Variants in UBQLN1 observed in about 807,000 individuals in gnomAD.
The protein encoded by UBQLN1 is ubiquilin 1.
UBQLN1 carries 13 observed loss-of-function variants against 65.4 expected under a neutral mutation model. That is an observed-to-expected ratio of 0.20 (90% CI 0.13 to 0.32). UBQLN1 has a LOEUF of 0.32. UBQLN1 is among the 10% of genes least tolerant of loss of function. The probability of loss-of-function intolerance (pLI) is 1.00; values close to 1 mark genes in which losing one functional copy is unlikely to be tolerated. For synonymous variants in UBQLN1, 267 were observed against 247.8 expected (o/e 1.08, Z -0.73); for missense variants, 561 against 724.0 (o/e 0.77, Z 2.58).
chr9:83,688,125 C>T (rs966516755), intron 1 of UBQLN1, among the ~76,000 whole-genome samples: 1 of 152,166 alleles, frequency 6.6e-6, no homozygotes, highest in African/African-American at 2.4e-5. Context: ...TGGCAGAACA[C>T]ATGGTTTGTA....
intron 7 of UBQLN1, chr9:83,668,663 T>C (rs1831681578): frequency 1.0e-6 from 1 of 981,644 alleles, no homozygotes. Context: ...AGGAATACAT[T>C]AATAAGGGAC....
chr9:83,680,281 A>G (rs1831918971), intron 3 of UBQLN1, among the ~76,000 whole-genome samples: 1 of 152,216 alleles, frequency 6.6e-6, no homozygotes. Flanking sequence ...TATGTAGTAT[A>G]ATAATAAATA....
At chr9:83,692,894 T>C (rs1160418133) in intron 1 of UBQLN1, among the ~76,000 whole-genome samples, 1 of 152,128 alleles carries the variant, frequency 6.6e-6, no homozygotes, top group Admixed American at 6.5e-5. Context: ...TATTTTCATC[T>C]AGGGAATAGC....
chr9:83,663,509 G>A (rs953805313), intron 10 of UBQLN1, among the ~76,000 whole-genome samples: 3 of 152,196 alleles, frequency 2.0e-5, no homozygotes, highest in African/African-American at 7.2e-5. Context: ...TGCCCTGGAG[G>A]TACTTGGGAT....
At chr9:83,671,934 C>T (rs1294830958) in intron 6 of UBQLN1, among the ~76,000 whole-genome samples, 6 of 152,208 alleles carry the variant, frequency 3.9e-5, no homozygotes, top group South Asian at 2.1e-4. Flanking sequence ...CATGTGGCCA[C>T]GTTCCTTGAT....
At chr9:83,667,895 T>C (rs1831667732) in intron 7 of UBQLN1, 9 of 976,728 alleles carry the variant, frequency 9.2e-6, no homozygotes, top group African/African-American at 1.8e-5. Context: ...GACATGCCAA[T>C]CTAGTACTAG....
At chr9:83,669,402 T>C (rs1831695879) in intron 6 of UBQLN1, 75 bp from the exon 7 acceptor site, 2 of 1,339,572 alleles carry the variant, frequency 1.5e-6, no homozygotes, top group Non-Finnish European at 2.0e-6. Context: ...AAATATAATA[T>C]GCACTGTGTT....
At chr9:83,664,890 A>G (rs1831618004) in intron 9 of UBQLN1, 140 bp downstream of exon 9, 3 of 611,886 alleles carry the variant, frequency 4.9e-6, no homozygotes, top group East Asian at 3.1e-5. Context: ...CCACACTCAT[A>G]GCCTAGGCGA....
intron 1 of UBQLN1, among the ~76,000 whole-genome samples, chr9:83,695,198 C>G (rs1035203441): frequency 4.7e-5 from 6 of 127,374 alleles, no homozygotes; most frequent in African/African-American, 1.4e-4. Flanking sequence ...TGGGCCCTCC[C>G]ACCTTTTTTT....
intron 6 of UBQLN1, among the ~76,000 whole-genome samples, chr9:83,673,559 AAAAAAAAAC>A (rs1564162453): frequency 0.033 from 2,937 of 89,252 alleles, 146 homozygotes; most frequent in African/African-American, 0.14. Context: ...AAAAAAAAAA[AAAAAAAAAC>A]AAAAAAAAAA....
intron 1 of UBQLN1, among the ~76,000 whole-genome samples, chr9:83,689,717 A>C (rs749988694): frequency 6.6e-6 from 1 of 152,262 alleles, no homozygotes; most frequent in Non-Finnish European, 1.5e-5. Flanking sequence ...TTAAAGGGGC[A>C]CCATATACTG....
rs868449762 is a variant in UBQLN1 at position 83,675,538 on chromosome 9, A to G, written c.1105+2189T>C. On this transcript the variant is annotated intron_variant, in intron 6 of 10. Transcript: ENST00000376395. The stretch of plus-strand genomic sequence containing the variant: ...AATTTGCAGATTTACTTTTGAGCTC[A>G]TACCACCAGCAACATTTTTCAGACC... Among the ~76,000 whole-genome samples the G allele has an allele frequency of 1.1e-4, 16 of 152,314 alleles. No individual in the cohort carries two copies. In the East Asian group the frequency reaches 1.7e-3, roughly 16 times the overall value.
chr9:83,678,566 G>C lies in UBQLN1; in HGVS notation c.745C>G (p.Gln249Glu). ...CGGTCCTGGTTCCTCATCATCTCCT[G>C]CATCATTGCTGGATTCCTGGCAAGT... ...LELARNPAMM[Q>E]EMMRNQDRAL... The change falls in exon 5 of 11, where the codon CAG becomes GAG. Residue 249 changes from glutamine (Q) to glutamate (E), a missense_variant. This residue lies in a region of UBQLN1 where 75 missense variants were observed against 138.9 expected (regional missense o/e 0.54). Transcript: ENST00000376395. 1.2e-6 allele frequency: 2 copies of C among 1,611,714 alleles called. No individual in the cohort carries two copies. Among genetic ancestry groups the C allele is most frequent in the East Asian group, 2.2e-5 (1 of 44,810 alleles).
intron 7 of UBQLN1, chr9:83,667,944 G>A (rs1487262844): frequency 1.0e-6 from 1 of 984,436 alleles, no homozygotes; most frequent in African/African-American, 1.7e-5. Flanking sequence ...GTATGTGAGT[G>A]CTCAAGTCAC....
At chr9:83,673,539 G>C (rs1485727841) in intron 6 of UBQLN1, among the ~76,000 whole-genome samples, 13 of 115,770 alleles carry the variant, frequency 1.1e-4, no homozygotes, top group African/African-American at 4.5e-4. Context: ...GTCGAGACTC[G>C]GTCTTTTAAA....
At chr9:83,682,823 T>G in intron 3 of UBQLN1, 128 bp downstream of exon 3, 1 of 464,010 alleles carries the variant, frequency 2.2e-6, no homozygotes, top group South Asian at 3.1e-5. Flanking sequence ...TAGGAATGTA[T>G]GTTTTTTTTT....
intron 7 of UBQLN1, 155 bp from the exon 8 acceptor site, chr9:83,666,588 A>AC (rs1831647621): frequency 1.6e-6 from 1 of 606,324 alleles, no homozygotes; most frequent in South Asian, 2.6e-5. Context: ...GATACTGTCC[A>AC]CAAGAGGGAT....
At chr9:83,690,070 C>T (rs1202845391) in intron 1 of UBQLN1, among the ~76,000 whole-genome samples, 2 of 152,168 alleles carry the variant, frequency 1.3e-5, no homozygotes, top group African/African-American at 4.8e-5. Context: ...CATTTTGCAA[C>T]AGAAGTTGAA....
At chr9:83,698,583 G>A (rs1272090188) in intron 1 of UBQLN1, among the ~76,000 whole-genome samples, 1 of 152,086 alleles carries the variant, frequency 6.6e-6, no homozygotes, top group Non-Finnish European at 1.5e-5. Flanking sequence ...TTTAAAATGT[G>A]GTACATACAT....
Sources: allele counts gnomAD v4.1 joint callset (sites outside exome capture counted in the v4.1 genomes callset), GRCh38; gene constraint gnomAD v4.1.1; regional missense constraint gnomAD v4.1.1; transcripts MANE v1.5; gene names NCBI Gene and HGNC (gene_info 2026-07-23, HGNC 2026-07-21).